Variants in GRIN3A observed in about 807,000 individuals in gnomAD.
The protein encoded by GRIN3A is glutamate receptor ionotropic, NMDA 3A.
A neutral mutation model predicts 92.4 loss-of-function variants in GRIN3A; 47 were observed. The observed-to-expected ratio is 0.51, with a 90% CI of 0.40 to 0.65. The LOEUF (loss-of-function observed/expected upper bound fraction) is 0.65. Ranked by LOEUF, GRIN3A falls within the 30% of genes least tolerant of loss-of-function variation. The pLI, the probability that GRIN3A is intolerant of heterozygous loss-of-function variation, is 0.00. For synonymous variants in GRIN3A, 527 were observed against 540.6 expected (o/e 0.97, Z 0.35); for missense variants, 1,324 against 1,393.1 (o/e 0.95, Z 0.79).
intron 3 of GRIN3A, among the ~76,000 whole-genome samples, chr9:101,661,632 G>A (rs2118933744): frequency 6.6e-6 from 1 of 151,862 alleles, no homozygotes; most frequent in African/African-American, 2.4e-5. Context: ...ACACTTACAT[G>A]GTTTCCAAGT....
chr9:101,617,181 T>A (rs1044046004), intron 5 of GRIN3A, among the ~76,000 whole-genome samples: 2 of 125,944 alleles, frequency 1.6e-5, no homozygotes, highest in African/African-American at 3.2e-5. Context: ...CAGTCCGGCA[T>A]GGGCGACAGA....
At chr9:101,680,149 A>T (rs1301984707) in intron 2 of GRIN3A, among the ~76,000 whole-genome samples, 1 of 152,206 alleles carries the variant, frequency 6.6e-6, no homozygotes, top group Non-Finnish European at 1.5e-5. Flanking sequence ...ATTAAAGTTT[A>T]TGACATTTAA....
At chr9:101,724,473 T>G (rs1830059106) in intron 1 of GRIN3A, among the ~76,000 whole-genome samples, 1 of 151,812 alleles carries the variant, frequency 6.6e-6, no homozygotes, top group African/African-American at 2.4e-5. Flanking sequence ...CAGCCCTGGT[T>G]CCCGCTCGCG....
Position 101,579,309 on chromosome 9 carries a change from T to C in GRIN3A, c.2818A>G (p.Ile940Val), listed in dbSNP as rs1235711007. 7 of 1,613,988 alleles carry C rather than the reference T, an allele frequency of 4.3e-6. No individual in the cohort carries two copies. Among genetic ancestry groups the C allele is most frequent in the Non-Finnish European group, 5.1e-6 (6 of 1,179,930 alleles). The change falls in exon 7 of 9, where the codon ATT becomes GTT. Residue 940 changes from isoleucine (I) to valine (V), a missense_variant. Transcript: ENST00000361820. Reference sequence around the variant, plus strand: ...GTCAAAATGGACAGACCAAATCCAATGCACAGCAGCACAAAGAGCCCAGAG... The same window carrying C: ...GTCAAAATGGACAGACCAAATCCAACGCACAGCAGCACAAAGAGCCCAGAG... ...HFSGLFVLLC[I>V]GFGLSILTTI...
chr9:101,581,449 A>G (rs1216426841), intron 6 of GRIN3A, among the ~76,000 whole-genome samples: 2 of 152,176 alleles, frequency 1.3e-5, no homozygotes, highest in East Asian at 1.9e-4. Flanking sequence ...TGGTATTAAG[A>G]GCCCTTATGA....
intron 6 of GRIN3A, among the ~76,000 whole-genome samples, chr9:101,597,441 C>G (rs1828151142): frequency 6.6e-6 from 1 of 152,178 alleles, no homozygotes; most frequent in African/African-American, 2.4e-5. Context: ...TTAGTGCTGA[C>G]TCTATAGGAG....
At chr9:101,627,121 A>T (rs1828643496) in intron 4 of GRIN3A, among the ~76,000 whole-genome samples, 1 of 152,188 alleles carries the variant, frequency 6.6e-6, no homozygotes, top group Non-Finnish European at 1.5e-5. Flanking sequence ...TCTCTCAACC[A>T]TAAATTCGCC....
intron 2 of GRIN3A, among the ~76,000 whole-genome samples, chr9:101,675,623 A>G (rs1250381721): frequency 6.6e-6 from 1 of 151,770 alleles, no homozygotes; most frequent in African/African-American, 2.4e-5. Context: ...TAAATAGGTA[A>G]TACGTGTAGG....
At position 101,623,317 on chromosome 9, in the gene GRIN3A, C is replaced by A. The variant is rs1296213242; in HGVS notation, c.2614+1G>T. On this transcript the variant is annotated splice_donor_variant, in intron 5 of 8. Coordinates refer to ENST00000361820, the MANE Select transcript of GRIN3A (RefSeq NM_133445.3). LOFTEE classifies it high-confidence loss of function. ...GTGAATCAAGAGTGACTGATTAATA[C>A]CTTCTATGGCAAATGGCTTCCCCAC... 6.3e-7 allele frequency: 1 copy of A among 1,594,474 alleles called. No individual in the cohort carries two copies. Among genetic ancestry groups the A allele is most frequent in the Non-Finnish European group, 8.6e-7 (1 of 1,162,230 alleles).
intron 1 of GRIN3A, among the ~76,000 whole-genome samples, chr9:101,692,268 C>G (rs187690434): frequency 6.6e-6 from 1 of 152,248 alleles, no homozygotes; most frequent in East Asian, 1.9e-4. Flanking sequence ...ACAGTAGAGT[C>G]CTCCCCACAC....
At chr9:101,729,301 C>G (rs1459074947) in intron 1 of GRIN3A, among the ~76,000 whole-genome samples, 1 of 152,166 alleles carries the variant, frequency 6.6e-6, no homozygotes, top group East Asian at 1.9e-4. Context: ...CACTTATTCT[C>G]TTATTACTTG....
At chr9:101,608,087 G>A (rs190536084) in intron 6 of GRIN3A, among the ~76,000 whole-genome samples, 59 of 152,264 alleles carry the variant, frequency 3.9e-4, no homozygotes, top group African/African-American at 1.3e-3. Context: ...TTACAAAATA[G>A]TTTCCTGTTC....
chr9:101,674,195 C>T (rs1353571717), intron 2 of GRIN3A, among the ~76,000 whole-genome samples: 1 of 151,966 alleles, frequency 6.6e-6, no homozygotes, highest in Middle Eastern at 3.2e-3. Context: ...ACAGTGAAGA[C>T]AACAAGGAGG....
intron 5 of GRIN3A, among the ~76,000 whole-genome samples, chr9:101,617,934 G>T (rs865991142): frequency 6.6e-6 from 1 of 151,718 alleles, no homozygotes; most frequent in Middle Eastern, 3.2e-3. Context: ...TACTGAGAAT[G>T]ATGATTTCCA....
chr9:101,588,643 A>G (rs1827979929), intron 6 of GRIN3A, among the ~76,000 whole-genome samples: 1 of 152,256 alleles, frequency 6.6e-6, no homozygotes, highest in Non-Finnish European at 1.5e-5. Context: ...TCCTTGTACT[A>G]TAAAACAATT....
At chr9:101,659,934 C>G (rs1046091235) in intron 3 of GRIN3A, among the ~76,000 whole-genome samples, 1 of 151,814 alleles carries the variant, frequency 6.6e-6, no homozygotes, top group Non-Finnish European at 1.5e-5. Flanking sequence ...TATATTTGTT[C>G]AGTTTTTGAC....
chr9:101,574,028 A>G (rs1190627798), intron 8 of GRIN3A, among the ~76,000 whole-genome samples: 1 of 152,116 alleles, frequency 6.6e-6, no homozygotes. Flanking sequence ...GGAGAAAAAA[A>G]GCATATAAGC....
chr9:101,583,102 T>C (rs1343087483), intron 6 of GRIN3A, among the ~76,000 whole-genome samples: 1 of 152,190 alleles, frequency 6.6e-6, no homozygotes, highest in African/African-American at 2.4e-5. Context: ...TATTTCACAT[T>C]TGAGAAAGCA....
intron 6 of GRIN3A, among the ~76,000 whole-genome samples, chr9:101,586,418 A>G (rs867352441): frequency 8.7e-4 from 132 of 152,332 alleles, no homozygotes; most frequent in African/African-American, 2.8e-3. Flanking sequence ...ATAAATTTGC[A>G]TAATTTCCCC....
Sources: allele counts gnomAD v4.1 joint callset (sites outside exome capture counted in the v4.1 genomes callset), GRCh38; gene constraint gnomAD v4.1.1; transcripts MANE v1.5; gene names NCBI Gene and HGNC (gene_info 2026-07-23, HGNC 2026-07-21).